The following PRKCQ variants were observed in gnomAD, a reference collection of about 807,000 sequenced individuals.
PRKCQ encodes the protein protein kinase C theta, also known as protein kinase C theta type.
PRKCQ carries 41 observed loss-of-function variants against 91.2 expected under a neutral mutation model. The observed-to-expected ratio is 0.45, with a 90% CI of 0.35 to 0.58. PRKCQ has a LOEUF of 0.58. Among genes scored for constraint, PRKCQ ranks in the 20% least tolerant of loss-of-function variants. The pLI, the probability that PRKCQ is intolerant of heterozygous loss-of-function variation, is 0.00. For synonymous variants in PRKCQ, 307 were observed against 316.9 expected (o/e 0.97, Z 0.33); for missense variants, 673 against 896.5 (o/e 0.75, Z 3.18).
At chr10:6,411,381 C>T in the PRKCQ span, among the ~76,000 whole-genome samples, 1 of 152,174 alleles carries the variant, frequency 6.6e-6, no homozygotes, top group Non-Finnish European at 1.5e-5. Flanking sequence ...CTTGGCATTG[C>T]TTGACAGTTA....
chr10:6,457,692 T>G (rs542151722), intron 14 of PRKCQ, among the ~76,000 whole-genome samples: 3 of 152,310 alleles, frequency 2.0e-5, no homozygotes, highest in African/African-American at 7.2e-5. Flanking sequence ...AGAGACAATC[T>G]GATTGGTGCA....
intron 1 of PRKCQ, among the ~76,000 whole-genome samples, chr10:6,535,090 G>A (rs887463759): frequency 3.9e-5 from 6 of 152,110 alleles, no homozygotes; most frequent in African/African-American, 9.7e-5. Context: ...CAAGGCTGCC[G>A]AGCTTGTAAG....
rs372216022 is a variant in PRKCQ, at chr10:6,497,127, A to C, written c.575-7T>G. On this transcript the variant is annotated splice_region_variant and splice_polypyrimidine_tract_variant and intron_variant, in intron 6 of 17. Coordinates refer to ENST00000263125, the MANE Select transcript of PRKCQ (RefSeq NM_006257.5). This position sits in a 1 kb window ranked among gnomAD's most constrained non-coding sequence, Gnocchi z 4.5. ...TGAATTGCTGCATTGCATTCTGAAA[A>C]GAAGAAAAAAATCACAGCTTAAGAT... is the stretch of plus-strand genomic sequence containing the variant. The C allele has an allele frequency of 8.0e-5, 129 of 1,613,986 alleles. No individual in the cohort carries two copies. Among genetic ancestry groups the C allele is most frequent in the Non-Finnish European group, 1.1e-4 (126 of 1,180,010 alleles).
chr10:6,570,189 T>C (rs1840987588), intron 1 of PRKCQ, among the ~76,000 whole-genome samples: 1 of 151,758 alleles, frequency 6.6e-6, no homozygotes, highest in African/African-American at 2.4e-5. Flanking sequence ...GAATCGGCCA[T>C]GAGGAGAGTG....
intron 1 of PRKCQ, among the ~76,000 whole-genome samples, chr10:6,561,485 A>G (rs957298113): frequency 6.6e-6 from 1 of 152,160 alleles, no homozygotes; most frequent in Non-Finnish European, 1.5e-5. Context: ...GTCAAATATT[A>G]CTAAACAATA....
rs528924742 is a variant in PRKCQ at position 6,511,013 on chromosome 10, G to A, written c.300C>T (p.Asn100=). ...ACGTTACCCATATTTCTGTCTTCCC[G>A]TTGTTCTTCCTGCACCTCTCAGCCA... ...YSLAERCRKN[N]GKTEIWLELK... The change falls in exon 3 of 18, where the codon AAC becomes AAT. Residue 100 remains asparagine (N), a synonymous_variant. Coordinates refer to ENST00000263125, the MANE Select transcript of PRKCQ (RefSeq NM_006257.5). 30 of 1,613,902 alleles carry A rather than the reference G, an allele frequency of 1.9e-5. No individual in the cohort carries two copies. The highest frequency in any genetic ancestry group is 1.7e-4 in the African/African-American group (13 of 74,870).
At chr10:6,420,102 C>T in the PRKCQ span, among the ~76,000 whole-genome samples, 1 of 152,212 alleles carries the variant, frequency 6.6e-6, no homozygotes, top group Admixed American at 6.5e-5. Context: ...GATTCTCCTG[C>T]CTCAGCCTCC....
chr10:6,546,393 A>C (rs1202341957), intron 1 of PRKCQ, among the ~76,000 whole-genome samples: 1 of 152,194 alleles, frequency 6.6e-6, no homozygotes, highest in East Asian at 1.9e-4. Flanking sequence ...AGAGGAAAGG[A>C]AATTTCAGCG....
At chr10:6,506,029 T>C (rs1838189868) in intron 4 of PRKCQ, among the ~76,000 whole-genome samples, 1 of 152,324 alleles carries the variant, frequency 6.6e-6, no homozygotes, top group East Asian at 1.9e-4. Context: ...TTAAACATCA[T>C]TGATACTATT....
At chr10:6,445,682 C>T (rs1424477437) in intron 15 of PRKCQ, among the ~76,000 whole-genome samples, 1 of 152,204 alleles carries the variant, frequency 6.6e-6, no homozygotes, top group Non-Finnish European at 1.5e-5. Context: ...AAATGCTACC[C>T]ACTACTCTTA....
intron 16 of PRKCQ, among the ~76,000 whole-genome samples, chr10:6,437,021 A>G (rs1228559484): frequency 3.3e-5 from 5 of 152,150 alleles, no homozygotes; most frequent in Non-Finnish European, 5.9e-5. Flanking sequence ...CTCTCCCTCC[A>G]GAGCCTCCAC....
intron 1 of PRKCQ, among the ~76,000 whole-genome samples, chr10:6,575,997 G>GCA (rs1564402552): frequency 5.3e-5 from 8 of 152,114 alleles, no homozygotes; most frequent in African/African-American, 1.9e-4. Context: ...CTGAGATCAT[G>GCA]CCACTGCACT....
At chr10:6,458,306 G>T (rs1835135656) in intron 14 of PRKCQ, among the ~76,000 whole-genome samples, 1 of 152,188 alleles carries the variant, frequency 6.6e-6, no homozygotes, top group South Asian at 2.1e-4. Context: ...CCCCATGGGG[G>T]TGAGGAAGGA....
At chr10:6,474,404 C>T (rs961161622) in intron 12 of PRKCQ, among the ~76,000 whole-genome samples, 11 of 152,198 alleles carry the variant, frequency 7.2e-5, no homozygotes, top group Non-Finnish European at 1.6e-4. Context: ...GAATACAGAT[C>T]GGCCTTTCAG....
chr10:6,452,907 T>C lies in PRKCQ; in HGVS notation c.1647+3767A>G, dbSNP rs892562180. ...GAAACTGGATCCCTTCCTTACACCTTATACAAAAATTAATTCAAGATGGAT... is the reference window on the plus strand; with the variant it reads ...GAAACTGGATCCCTTCCTTACACCTCATACAAAAATTAATTCAAGATGGAT... On this transcript the variant is annotated intron_variant, in intron 15 of 17. Transcript: ENST00000263125. 3.6e-4 allele frequency among the ~76,000 whole-genome samples: 48 copies of C among 133,552 alleles called. 1 individual carries two copies. In the South Asian group the frequency reaches 0.011, roughly 31 times the overall value. The allele number at this position is 133,552 out of a possible 152,430, so 87.6% of individuals were successfully genotyped here. A position where few individuals can be genotyped will look rare whatever the true frequency, so the allele number is the denominator to read the frequency against.
chr10:6,431,375 TAAAC>T (rs1349448005), intron 16 of PRKCQ, among the ~76,000 whole-genome samples: 4 of 152,102 alleles, frequency 2.6e-5, no homozygotes, highest in Middle Eastern at 3.4e-3. Context: ...CACATGGACA[TAAAC>T]ACACACTGGC....
intron 1 of PRKCQ, among the ~76,000 whole-genome samples, chr10:6,524,194 C>T (rs952580623): frequency 2.6e-5 from 4 of 152,110 alleles, no homozygotes; most frequent in African/African-American, 9.7e-5. Context: ...TAGTTACTCA[C>T]CTAATAATAT....
chr10:6,497,484 A>G lies in PRKCQ; in HGVS notation c.543-233T>C, dbSNP rs897156774. ...GAACTGGCTGATTTATCATCCTTGT[A>G]TTTTCCAAACATATAGAGATTAAAA... On this transcript the variant is annotated intron_variant, in intron 5 of 17. Coordinates refer to ENST00000263125, the MANE Select transcript of PRKCQ (RefSeq NM_006257.5). This position sits in a 1 kb window ranked among gnomAD's most constrained non-coding sequence, Gnocchi z 4.5. Among the ~76,000 whole-genome samples, 5 of 152,182 alleles carry G rather than the reference A, an allele frequency of 3.3e-5. No homozygotes were observed. The highest frequency in any genetic ancestry group is 5.9e-5 in the Non-Finnish European group (4 of 68,028).
At chr10:6,480,346 G>C (rs1379208490) in intron 11 of PRKCQ, among the ~76,000 whole-genome samples, 1 of 152,166 alleles carries the variant, frequency 6.6e-6, no homozygotes, top group Non-Finnish European at 1.5e-5. Context: ...TCAGATTCTT[G>C]GAGCTATGAG....
Sources: gnomAD v4.1 joint callset for allele counts (sites outside exome capture counted in the v4.1 genomes callset) on GRCh38, gnomAD v4.1.1 for gene constraint, Gnocchi (gnomAD v3.1) non-coding constraint, MANE v1.5 for transcripts, NCBI Gene and HGNC (gene_info 2026-07-23, HGNC 2026-07-21) for gene names.